The following ENTREP2 variants were observed in gnomAD, a reference collection of about 807,000 sequenced individuals.
ENTREP2 encodes the protein endosomal transmembrane epsin interactor 2.
At chr15:29,252,411 CAA>C in the ENTREP2 span, 1 of 1,551,150 alleles carries the variant, frequency 6.4e-7, no homozygotes, top group Non-Finnish European at 8.7e-7. Flanking sequence ...AGCATTCTGA[CAA>C]GAGAGAATTG....
chr15:29,643,476 A>G, the ENTREP2 span, among the ~76,000 whole-genome samples: 19 of 151,934 alleles, frequency 1.3e-4, no homozygotes, highest in African/African-American at 4.6e-4. Flanking sequence ...ACAAGTGATA[A>G]CAAGCATCAA....
chr15:29,251,957 T>C, the ENTREP2 span, among the ~76,000 whole-genome samples: 1 of 152,214 alleles, frequency 6.6e-6, no homozygotes, highest in African/African-American at 2.4e-5. Flanking sequence ...TGTTTTGATA[T>C]ATTCGTCATC....
chr15:29,123,460 G>A, the ENTREP2 span: 1 of 1,551,656 alleles, frequency 6.4e-7, no homozygotes, highest in Non-Finnish European at 8.7e-7. Context: ...GGCACAGTGT[G>A]AGTGTTCCAA....
chr15:29,594,715 C>A, the ENTREP2 span, among the ~76,000 whole-genome samples: 3 of 152,034 alleles, frequency 2.0e-5, no homozygotes, highest in African/African-American at 7.2e-5. Flanking sequence ...GTAATCCCAG[C>A]ACTTTGGGAG....
chr15:29,527,354 G>A, the ENTREP2 span, among the ~76,000 whole-genome samples: 5 of 152,166 alleles, frequency 3.3e-5, no homozygotes, highest in African/African-American at 1.2e-4. Flanking sequence ...AAATACCTTT[G>A]AGAAACACTG....
At chr15:29,641,052 C>T in the ENTREP2 span, among the ~76,000 whole-genome samples, 1 of 152,080 alleles carries the variant, frequency 6.6e-6, no homozygotes, top group South Asian at 2.1e-4. Flanking sequence ...TACACCATGC[C>T]TTTACAATAA....
chr15:29,145,147 A>G, the ENTREP2 span, among the ~76,000 whole-genome samples: 17 of 152,208 alleles, frequency 1.1e-4, no homozygotes, highest in African/African-American at 3.6e-4. Context: ...TTCTATTAAT[A>G]TGAAAAGGAT....
At chr15:29,269,617 GA>G in the ENTREP2 span, 1 of 1,565,454 alleles carries the variant, frequency 6.4e-7, no homozygotes, top group Non-Finnish European at 8.6e-7. Context: ...CCCGGCCCGC[GA>G]AGCCCCGGGG....
the ENTREP2 span, among the ~76,000 whole-genome samples, chr15:29,244,652 A>C: frequency 6.6e-6 from 1 of 152,224 alleles, no homozygotes; most frequent in Non-Finnish European, 1.5e-5. Context: ...TGAAGACAAA[A>C]GTGTTATAAA....
chr15:29,460,059 C>A, the ENTREP2 span, among the ~76,000 whole-genome samples: 16 of 152,016 alleles, frequency 1.1e-4, no homozygotes, highest in Non-Finnish European at 2.9e-5. Flanking sequence ...CCAGCCTGGG[C>A]AACACAGCAA....
the ENTREP2 span, among the ~76,000 whole-genome samples, chr15:29,407,694 G>A: frequency 2.0e-3 from 305 of 152,088 alleles, 2 homozygotes; most frequent in Middle Eastern, 6.8e-3. Context: ...GGGGGAGCCC[G>A]AGTCTCTCTG....
chr15:29,574,587 C>T, the ENTREP2 span, among the ~76,000 whole-genome samples: 1 of 152,178 alleles, frequency 6.6e-6, no homozygotes, highest in African/African-American at 2.4e-5. Flanking sequence ...GCCACCACAC[C>T]CGGCCAAGAC....
the ENTREP2 span, among the ~76,000 whole-genome samples, chr15:29,356,286 ATATATATATATTTTTTTTT>A: frequency 1.9e-5 from 1 of 51,836 alleles, no homozygotes; most frequent in African/African-American, 9.8e-5. Flanking sequence ...ATATATATAT[ATATATATATATTTTTTTTT>A]TTTTTTTTTT....
At chr15:29,391,919 G>A in the ENTREP2 span, among the ~76,000 whole-genome samples, 1 of 152,190 alleles carries the variant, frequency 6.6e-6, no homozygotes, top group Admixed American at 6.5e-5. Flanking sequence ...CCGCCTCCCG[G>A]GTTCACGCCA....
At chr15:29,142,281 C>T in the ENTREP2 span, among the ~76,000 whole-genome samples, 2 of 152,176 alleles carry the variant, frequency 1.3e-5, no homozygotes, top group African/African-American at 4.8e-5. Flanking sequence ...TGACCACAGC[C>T]CCAAATGAGA....
chr15:29,658,874 A>G, the ENTREP2 span, among the ~76,000 whole-genome samples: 1 of 152,236 alleles, frequency 6.6e-6, no homozygotes, highest in Admixed American at 6.5e-5. Context: ...TTAAATGACT[A>G]TAAACTTTGA....
the ENTREP2 span, among the ~76,000 whole-genome samples, chr15:29,130,196 C>T: frequency 6.6e-6 from 1 of 152,224 alleles, no homozygotes; most frequent in Non-Finnish European, 1.5e-5. Flanking sequence ...AGACGGAGAG[C>T]TGCCCAAGTG....
At chr15:29,264,374 T>C in the ENTREP2 span, among the ~76,000 whole-genome samples, 2 of 152,046 alleles carry the variant, frequency 1.3e-5, no homozygotes. Flanking sequence ...TCTCAAAGTG[T>C]CTCCACACAA....
chr15:29,367,342 A>G, the ENTREP2 span, among the ~76,000 whole-genome samples: 2 of 152,204 alleles, frequency 1.3e-5, no homozygotes, highest in Admixed American at 1.3e-4. Context: ...CATTCTGGTG[A>G]TTCCCTAGAA....
Sources: gnomAD v4.1 joint callset for allele counts (sites outside exome capture counted in the v4.1 genomes callset) on GRCh38, gnomAD v4.1.1 for gene constraint, MANE v1.5 for transcripts, NCBI Gene and HGNC (gene_info 2026-07-23, HGNC 2026-07-21) for gene names.